The following PCDH15 variants were observed in gnomAD, a reference collection of about 807,000 sequenced individuals.
The protein encoded by PCDH15 is protocadherin related 15.
PCDH15 carries 129 observed loss-of-function variants against 178.5 expected under a neutral mutation model. That is an observed-to-expected ratio of 0.72 (90% CI 0.63 to 0.84). The LOEUF (loss-of-function observed/expected upper bound fraction) is 0.84, where lower values mean the gene tolerates loss of function less well. Among genes scored for constraint, PCDH15 ranks in the 40% least tolerant of loss-of-function variants. The probability of loss-of-function intolerance (pLI) is 0.00; values close to 1 mark genes in which losing one functional copy is unlikely to be tolerated. For synonymous variants in PCDH15, 800 were observed against 732.0 expected, an observed-to-expected ratio of 1.09 and a Z score of -1.50; for missense variants, 2,230 against 2,099.9, an observed-to-expected ratio of 1.06 and a Z score of -1.21.
intron 3 of PCDH15, among the ~76,000 whole-genome samples, chr10:54,505,567 G>A (rs921756617): frequency 2.0e-5 from 3 of 151,886 alleles, no homozygotes; most frequent in African/African-American, 7.3e-5. Flanking sequence ...AACACCGCAT[G>A]TTCTCACTCA....
chr10:54,065,724 G>A (rs760677431), intron 18 of PCDH15, among the ~76,000 whole-genome samples: 3 of 152,168 alleles, frequency 2.0e-5, no homozygotes, highest in Non-Finnish European at 2.9e-5. Flanking sequence ...GTTGGTAGTT[G>A]CAAGTATTGT....
rs1491012790 is a variant in PCDH15, at chr10:54,105,315, T to TACAC, written c.1918-15253_1918-15252insGTGT. Among the ~76,000 whole-genome samples the TACAC allele has an allele frequency of 1.8e-3, 140 of 76,296 alleles. 1 individual carries two copies. Among genetic ancestry groups the TACAC allele is most frequent in the Admixed American group, 3.4e-3 (25 of 7,414 alleles). 50.1% of individuals were successfully genotyped at this position (76,296 alleles called of 152,430 possible). A position where few individuals can be genotyped will look rare whatever the true frequency, so the allele number is the denominator to read the frequency against. On this transcript the variant is annotated intron_variant, in intron 15 of 37. Transcript: ENST00000644397. ...ATATATATATATATATATATATATA[T>TACAC]ATACACACACACATACATATATATA...
intron 2 of PCDH15, among the ~76,000 whole-genome samples, chr10:55,583,732 C>T (rs548653475): frequency 6.6e-6 from 1 of 151,968 alleles, no homozygotes; most frequent in Admixed American, 6.6e-5. Context: ...CTGTGCCTGG[C>T]CAACAGTTAT....
intron 2 of PCDH15, among the ~76,000 whole-genome samples, chr10:55,397,451 T>A (rs1177031567): frequency 1.3e-5 from 2 of 152,342 alleles, no homozygotes; most frequent in African/African-American, 4.8e-5. Flanking sequence ...TTCTTTATCA[T>A]CATACTGTTT....
At chr10:54,876,837 G>T (rs2131801275) in intron 3 of PCDH15, among the ~76,000 whole-genome samples, 1 of 152,262 alleles carries the variant, frequency 6.6e-6, no homozygotes, top group South Asian at 2.1e-4. Flanking sequence ...AGAAAGGATT[G>T]AGAATATTAC....
intron 8 of PCDH15, among the ~76,000 whole-genome samples, chr10:54,249,838 G>A (rs2132069320): frequency 6.6e-6 from 1 of 151,962 alleles, no homozygotes; most frequent in Non-Finnish European, 1.5e-5. Context: ...ATTATAGGTG[G>A]AATTTTAATC....
intron 37 of PCDH15, chr10:53,808,982 T>C: frequency 6.4e-7 from 1 of 1,562,116 alleles, no homozygotes; most frequent in Non-Finnish European, 8.7e-7. Flanking sequence ...TCTTCTTCCA[T>C]CTTAGGTTCT....
chr10:53,823,584 A>G (rs1554821277), intron 32 of PCDH15: 1 of 658,844 alleles, frequency 1.5e-6, no homozygotes, highest in Admixed American at 2.6e-5. Flanking sequence ...AATGAAAAAA[A>G]AAGTACTCAT....
intron 35 of PCDH15, among the ~76,000 whole-genome samples, chr10:53,813,365 G>C (rs1423637835): frequency 6.6e-6 from 1 of 152,032 alleles, no homozygotes; most frequent in African/African-American, 2.4e-5. Flanking sequence ...CAAATACTTT[G>C]TGAACCTACT....
At chr10:55,585,882 T>G (rs994967406) in intron 2 of PCDH15, among the ~76,000 whole-genome samples, 1 of 152,082 alleles carries the variant, frequency 6.6e-6, no homozygotes, top group Non-Finnish European at 1.5e-5. Context: ...ATAGAACTAC[T>G]GTTCTGCCAG....
At chr10:54,368,480 G>A (rs1350857449) in intron 5 of PCDH15, among the ~76,000 whole-genome samples, 1 of 151,774 alleles carries the variant, frequency 6.6e-6, no homozygotes, top group East Asian at 1.9e-4. Flanking sequence ...AATTAATACA[G>A]TAACCACGGT....
intron 2 of PCDH15, among the ~76,000 whole-genome samples, chr10:54,548,950 A>G (rs1183771658): frequency 7.3e-6 from 1 of 137,774 alleles, no homozygotes; most frequent in Non-Finnish European, 1.6e-5. Context: ...ATGTTTTTCT[A>G]GAAATGTGTC....
At chr10:55,008,691 G>A (rs1414998796) in intron 2 of PCDH15, among the ~76,000 whole-genome samples, 1 of 152,080 alleles carries the variant, frequency 6.6e-6, no homozygotes, top group East Asian at 1.9e-4. Flanking sequence ...TGGACTCAAA[G>A]ACAGGCAGGC....
intron 1 of PCDH15, among the ~76,000 whole-genome samples, chr10:55,187,548 C>T (rs1839831386): frequency 6.6e-6 from 1 of 151,876 alleles, no homozygotes; most frequent in Non-Finnish European, 1.5e-5. Flanking sequence ...GGGACATCAC[C>T]TAGAAGATGA....
intron 2 of PCDH15, among the ~76,000 whole-genome samples, chr10:55,464,912 AAAAAG>A (rs1373941853): frequency 1.3e-5 from 2 of 150,998 alleles, no homozygotes; most frequent in Non-Finnish European, 3.0e-5. Context: ...GAAAAAAAAA[AAAAAG>A]AAACAAAACA....
intron 3 of PCDH15, among the ~76,000 whole-genome samples, chr10:54,853,702 GA>G (rs1339762240): frequency 6.6e-6 from 1 of 151,668 alleles, no homozygotes; most frequent in Non-Finnish European, 1.5e-5. Context: ...GAACTGAATA[GA>G]CAGGTTTTCT....
At chr10:55,158,853 G>A (rs1406834088) in intron 2 of PCDH15, among the ~76,000 whole-genome samples, 2 of 149,080 alleles carry the variant, frequency 1.3e-5, no homozygotes, top group African/African-American at 4.9e-5. Context: ...TGGGGTGTGT[G>A]TGTCAGAAAG....
chr10:54,113,926 G>T (rs1266906222), intron 15 of PCDH15, among the ~76,000 whole-genome samples: 1 of 152,024 alleles, frequency 6.6e-6, no homozygotes, highest in Non-Finnish European at 1.5e-5. Flanking sequence ...TTACACAGTG[G>T]CAGGCAAGAG....
At chr10:55,503,459 CTTTA>C (rs576361605) in intron 2 of PCDH15, among the ~76,000 whole-genome samples, 22 of 149,648 alleles carry the variant, frequency 1.5e-4, no homozygotes, top group East Asian at 9.8e-4. Context: ...GTGATGGAAT[CTTTA>C]TTTATTTTAT....
Sources: gnomAD v4.1 joint callset for allele counts (sites outside exome capture counted in the v4.1 genomes callset) on GRCh38, gnomAD v4.1.1 for gene constraint, MANE v1.5 for transcripts, NCBI Gene and HGNC (gene_info 2026-07-23, HGNC 2026-07-21) for gene names.